PAK1: variants seen among roughly 807,000 people sequenced by gnomAD.
PAK1 encodes the protein p21 (RAC1) activated kinase 1.
PAK1 carries 29 observed loss-of-function variants against 67.4 expected under a neutral mutation model. The observed-to-expected ratio is 0.43, with a 90% CI of 0.32 to 0.59. The LOEUF is 0.59. PAK1 is among the 20% of genes least tolerant of loss of function. The pLI is 0.07. For missense variants in PAK1, 337 were observed against 670.7 expected, an observed-to-expected ratio of 0.50 and a Z score of 5.50; for synonymous variants, 223 against 237.4, an observed-to-expected ratio of 0.94 and a Z score of 0.56.
chr11:77,479,675 T>C, the PAK1 span, among the ~76,000 whole-genome samples: 1 of 137,784 alleles, frequency 7.3e-6, no homozygotes, highest in Non-Finnish European at 1.5e-5. Context: ...TGGTACGATA[T>C]CGGCTCACTG....
At chr11:77,518,357 G>A in the PAK1 span, among the ~76,000 whole-genome samples, 7 of 152,148 alleles carry the variant, frequency 4.6e-5, no homozygotes, top group African/African-American at 1.2e-4. Context: ...ATCAATTAAC[G>A]AAGTCTACTT....
intron 5 of PAK1, among the ~76,000 whole-genome samples, chr11:77,359,926 A>C (rs773664832): frequency 9.2e-5 from 14 of 152,178 alleles, no homozygotes; most frequent in Non-Finnish European, 2.1e-4. Flanking sequence ...GATATAATTC[A>C]ACAGTTTCAG....
Position 77,340,682 on chromosome 11 carries a change from G to GC in PAK1, c.1079dup (p.Cys360TrpfsTer4). 1 of 1,609,602 alleles carries GC rather than the reference G, an allele frequency of 6.2e-7. No individual in the cohort carries two copies. Among genetic ancestry groups the GC allele is most frequent in the Non-Finnish European group, 8.5e-7 (1 of 1,175,896 alleles). ...CAGCTGCAATTTGGCCTTCATCCAT[G>GC]CAAGTTTCTGTCACCACATCTGTCA... On this transcript the variant is annotated frameshift_variant, in exon 11 of 15. Coordinates refer to ENST00000356341, the MANE Select transcript of PAK1 (RefSeq NM_002576.5). LOFTEE classifies it high-confidence loss of function.
chr11:77,467,138 T>C (rs866783291), intron 1 of PAK1, among the ~76,000 whole-genome samples: 8 of 152,002 alleles, frequency 5.3e-5, no homozygotes, highest in South Asian at 2.1e-4. Flanking sequence ...TTCAAGAGGG[T>C]CCATCATCTC....
chr11:77,408,604 T>C (rs1003921734), intron 1 of PAK1, among the ~76,000 whole-genome samples: 2 of 149,194 alleles, frequency 1.3e-5, no homozygotes, highest in Non-Finnish European at 3.0e-5. Flanking sequence ...AATAAAACAG[T>C]AATCTTGTCG....
intron 1 of PAK1, among the ~76,000 whole-genome samples, chr11:77,458,130 T>G (rs925855588): frequency 6.6e-6 from 1 of 152,222 alleles, no homozygotes; most frequent in Non-Finnish European, 1.5e-5. Flanking sequence ...CCACTTAAAG[T>G]TAACTGACAA....
At position 77,367,906 on chromosome 11, in the gene PAK1, G is replaced by A. The variant is rs1947828815; in HGVS notation, c.477+6422C>T. Among the ~76,000 whole-genome samples, 2 of 152,342 alleles carry A rather than the reference G, an allele frequency of 1.3e-5. 1 individual carries two copies. The highest frequency in any genetic ancestry group is 3.9e-4 in the East Asian group (2 of 5,188). ...GAGGCAGAGGAATTGCTTGAACCGGGAAGCGGAGGTTGCAGTGAGCTGAGA... is the reference window on the plus strand; with the variant it reads ...GAGGCAGAGGAATTGCTTGAACCGGAAAGCGGAGGTTGCAGTGAGCTGAGA... On this transcript the variant is annotated intron_variant, in intron 5 of 14. Coordinates refer to ENST00000356341, the MANE Select transcript of PAK1 (RefSeq NM_002576.5).
intron 5 of PAK1, among the ~76,000 whole-genome samples, chr11:77,359,919 A>G (rs1361925698): frequency 2.6e-5 from 4 of 152,208 alleles, no homozygotes; most frequent in Non-Finnish European, 4.4e-5. Context: ...ATATACTGAT[A>G]TAATTCAACA....
intron 5 of PAK1, among the ~76,000 whole-genome samples, chr11:77,371,823 T>C (rs1270890430): frequency 6.6e-6 from 1 of 152,332 alleles, no homozygotes; most frequent in East Asian, 1.9e-4. Context: ...TACAAGTTTT[T>C]ACCAAGCAGG....
chr11:77,455,468 G>C (rs1205399089), intron 1 of PAK1, among the ~76,000 whole-genome samples: 1 of 152,204 alleles, frequency 6.6e-6, no homozygotes, highest in Non-Finnish European at 1.5e-5. Context: ...AGGCAGCATA[G>C]TTCTCTATCT....
chr11:77,486,123 C>G, the PAK1 span, among the ~76,000 whole-genome samples: 1 of 152,220 alleles, frequency 6.6e-6, no homozygotes, highest in South Asian at 2.1e-4. Flanking sequence ...GATACACACC[C>G]CTTTTTCTTG....
At chr11:77,521,801 A>C in the PAK1 span, among the ~76,000 whole-genome samples, 2 of 152,206 alleles carry the variant, frequency 1.3e-5, no homozygotes, top group African/African-American at 4.8e-5. Flanking sequence ...GATTTGCAGG[A>C]TAATTGCTCA....
At chr11:77,332,580 G>C in intron 14 of PAK1, 150 bp downstream of exon 14, 1 of 651,556 alleles carries the variant, frequency 1.5e-6, no homozygotes, top group Non-Finnish European at 2.7e-6. Context: ...AAGGCCCAGG[G>C]ATAAAAGGGC....
intron 2 of PAK1, among the ~76,000 whole-genome samples, chr11:77,385,011 G>A (rs144918857): frequency 6.6e-6 from 1 of 152,156 alleles, no homozygotes; most frequent in Non-Finnish European, 1.5e-5. Flanking sequence ...GCTGAAATGT[G>A]ATATCAATCA....
At chr11:77,477,661 G>A (rs557150085), upstream of PAK1, among the ~76,000 whole-genome samples, 3 of 152,094 alleles carry the variant, frequency 2.0e-5, no homozygotes, top group East Asian at 5.8e-4. Context: ...GCTAAGGTGG[G>A]AGGATCACTT....
the PAK1 span, among the ~76,000 whole-genome samples, chr11:77,491,223 T>C: frequency 8.1e-5 from 12 of 148,660 alleles, no homozygotes; most frequent in Non-Finnish European, 1.6e-4. Context: ...CAAAACTCAA[T>C]GGTAACAGTA....
chr11:77,346,921 A>C (rs1178238628), intron 9 of PAK1: 4 of 426,232 alleles, frequency 9.4e-6, no homozygotes, highest in Non-Finnish European at 1.9e-5. Flanking sequence ...ACACTTGAAA[A>C]ATAATTGTTG....
chr11:77,526,845 G>A, the PAK1 span, among the ~76,000 whole-genome samples: 2 of 152,028 alleles, frequency 1.3e-5, no homozygotes, highest in African/African-American at 2.4e-5. Context: ...GAACCCAGGA[G>A]GTGGAAGTTG....
chr11:77,383,982 G>C (rs1345225665), intron 2 of PAK1, among the ~76,000 whole-genome samples: 1 of 152,180 alleles, frequency 6.6e-6, no homozygotes, highest in African/African-American at 2.4e-5. Context: ...TGAGTTTCAA[G>C]TCTTCAATCT....
Sources: gnomAD v4.1 joint callset for allele counts (sites outside exome capture counted in the v4.1 genomes callset) on GRCh38, gnomAD v4.1.1 for gene constraint, MANE v1.5 for transcripts, NCBI Gene and HGNC (gene_info 2026-07-23, HGNC 2026-07-21) for gene names.